FNDC5: variants seen among roughly 807,000 people sequenced by gnomAD.
The protein encoded by FNDC5 is fibronectin type III domain containing 5.
In FNDC5, 10 loss-of-function variants were observed where a neutral mutation model predicts 24.6. The observed-to-expected ratio is 0.41, with a 90% CI of 0.25 to 0.69. The LOEUF (loss-of-function observed/expected upper bound fraction) is 0.69. Among genes scored for constraint, FNDC5 ranks in the 30% least tolerant of loss-of-function variants. FNDC5 has a pLI of 0.34. For missense variants in FNDC5, 226 were observed against 282.9 expected (o/e 0.80, Z 1.44); for synonymous variants, 90 against 110.7 (o/e 0.81, Z 1.18).
At chr1:32,866,377 G>C (rs186684830) in intron 4 of FNDC5, among the ~76,000 whole-genome samples, 2 of 152,082 alleles carry the variant, frequency 1.3e-5, no homozygotes, top group Admixed American at 1.3e-4. Context: ...TAAAGCTTTA[G>C]CATGGTATTC....
intron 4 of FNDC5, among the ~76,000 whole-genome samples, chr1:32,865,314 G>A (rs1641050200): frequency 6.6e-6 from 1 of 151,076 alleles, no homozygotes; most frequent in African/African-American, 2.4e-5. Flanking sequence ...GGTCAGGCTG[G>A]TCTCGAACTC....
At chr1:32,865,086 C>T (rs181204887) in intron 4 of FNDC5, among the ~76,000 whole-genome samples, 2 of 152,106 alleles carry the variant, frequency 1.3e-5, no homozygotes, top group African/African-American at 4.8e-5. Flanking sequence ...CTGTTAATTC[C>T]AGCACTTTGG....
rs1469251888 is a variant in FNDC5, at chr1:32,870,863, G to A, written c.-117C>T. 6 of 165,366 alleles carry A rather than the reference G, an allele frequency of 3.6e-5. No homozygotes were observed. Among genetic ancestry groups the A allele is most frequent in the Non-Finnish European group, 7.1e-5 (6 of 84,852 alleles). 10.2% of individuals were successfully genotyped at this position (165,366 alleles called of 1,614,324 possible). A position where few individuals can be genotyped will look rare whatever the true frequency, so the allele number is the denominator to read the frequency against. ...CCCGGCCGGCCCGGCCGCTCCGGCC[G>A]CCCTGCGCCGCCCCGAGCCGCCTGC... On this transcript the variant is annotated 5_prime_UTR_variant, in exon 1 of 6. Coordinates refer to ENST00000373471, the MANE Select transcript of FNDC5 (RefSeq NM_153756.3).
intron 1 of FNDC5, among the ~76,000 whole-genome samples, chr1:32,870,140 T>C (rs1206077985): frequency 1.3e-5 from 2 of 151,910 alleles, no homozygotes; most frequent in Non-Finnish European, 2.9e-5. Context: ...GCCGGCCCCA[T>C]GGGGCAGGCC....
chr1:32,866,628 C>T (rs992636536), intron 4 of FNDC5, among the ~76,000 whole-genome samples: 1 of 152,080 alleles, frequency 6.6e-6, no homozygotes, highest in African/African-American at 2.4e-5. Context: ...ACAGTTATTC[C>T]CTCTCCTCTG....
At chr1:32,865,176 T>C (rs1039097875) in intron 4 of FNDC5, among the ~76,000 whole-genome samples, 12 of 151,994 alleles carry the variant, frequency 7.9e-5, no homozygotes, top group Non-Finnish European at 1.8e-4. Flanking sequence ...CTCGGTTCAC[T>C]GCAACCTCTG....
chr1:32,867,989 G>T, intron 3 of FNDC5, 147 bp from the exon 4 acceptor site: 1 of 1,008,860 alleles, frequency 9.9e-7, no homozygotes, highest in Non-Finnish European at 1.5e-6. Context: ...ACTTGGGGTG[G>T]CAGTGATAGG....
rs1405921994 is a variant in FNDC5, at chr1:32,868,084, C to A, written c.409+106G>T. 3.7e-6 allele frequency: 5 copies of A among 1,342,234 alleles called. No individual in the cohort carries two copies. The highest frequency in any genetic ancestry group is 4.2e-6 in the Non-Finnish European group (4 of 961,144). 83.1% of individuals were successfully genotyped at this position (1,342,234 alleles called of 1,614,324 possible). A position where few individuals can be genotyped will look rare whatever the true frequency, so the allele number is the denominator to read the frequency against. ...TCTCAGGTACTGCTTTACTTGCCAG[C>A]AGGGGATAAGGGGGAGGAGACAGAG... On this transcript the variant is annotated intron_variant, in intron 3 of 5. Transcript: ENST00000373471. This position sits in a 1 kb window ranked among gnomAD's most constrained non-coding sequence, Gnocchi z 4.8.
chr1:32,868,348 T>G lies in FNDC5; in HGVS notation c.251A>C (p.Asn84Thr), dbSNP rs758944873. ...GAGGGCACATGAGCGGGTGGTGGTG[T>G]TCACCTCCTGGATGAAGCGCAGCAT... Residue 84 changes from asparagine to threonine, a missense_variant, in exon 3 of 6, where the codon AAC becomes ACC. Physicochemically the swap from Asn to Thr is moderately conservative, Grantham distance 65 (BLOSUM62 0). Coordinates refer to ENST00000373471, the MANE Select transcript of FNDC5 (RefSeq NM_153756.3). This position sits in a 1 kb window ranked among gnomAD's most constrained non-coding sequence, Gnocchi z 4.8. The G allele has an allele frequency of 3.1e-6, 5 of 1,614,022 alleles. No individual in the cohort carries two copies. Among genetic ancestry groups the G allele is most frequent in the African/African-American group, 2.7e-5 (2 of 74,902 alleles).
Position 32,864,061 on chromosome 1 carries a change from G to A in FNDC5, c.*233C>T, listed in dbSNP as rs1277435432. The A allele has an allele frequency of 6.9e-7, 1 of 1,447,190 alleles. No homozygotes were observed. Among genetic ancestry groups the A allele is most frequent in the Non-Finnish European group, 9.1e-7 (1 of 1,099,070 alleles). 89.6% of individuals were successfully genotyped at this position (1,447,190 alleles called of 1,614,324 possible). On this transcript the variant is annotated 3_prime_UTR_variant, in exon 6 of 6. Transcript: ENST00000373471. The stretch of plus-strand genomic sequence containing the variant: ...ACCCCCAGCAGTCATCCCTCTGAGT[G>A]CAGCCTCAGCCACTGACATTGTTGA...
At position 32,870,701 on chromosome 1, in the gene FNDC5, CGGCGCG is replaced by C; in HGVS notation, c.40_45del (p.Arg14_Ala15del). On this transcript the variant is annotated inframe_deletion, in exon 1 of 6. Coordinates refer to ENST00000373471, the MANE Select transcript of FNDC5 (RefSeq NM_153756.3). ...ACGCAGCCCAGCCACAGGCGGAGCG[CGGCGCG>C]GGCGCGGGGCGGCCAGGCGCTCGGC... 2 of 1,196,966 alleles carry C rather than the reference CGGCGCG, an allele frequency of 1.7e-6. No individual in the cohort carries two copies. The highest frequency in any genetic ancestry group is 2.1e-6 in the Non-Finnish European group (2 of 965,756). The allele number at this position is 1,196,966 out of a possible 1,614,324, so 74.1% of individuals were successfully genotyped here.
chr1:32,868,896 C>T lies in FNDC5; in HGVS notation c.196G>A (p.Ala66Thr). The change falls in exon 2 of 6, where the codon GCC becomes ACC. Residue 66 changes from alanine (A) to threonine (T), a missense_variant. Coordinates refer to ENST00000373471, the MANE Select transcript of FNDC5 (RefSeq NM_153756.3). This position sits in a 1 kb window ranked among gnomAD's most constrained non-coding sequence, Gnocchi z 4.8. ...TGGAGCATTACCTGCTGGGAGATGG[C>T]AAATCCGATGACAACCTCATCCTCC... 1 of 1,237,718 alleles carries T rather than the reference C, an allele frequency of 8.1e-7. No individual in the cohort carries two copies. The highest frequency in any genetic ancestry group is 4.0e-5 in the Admixed American group (1 of 25,002). The allele number at this position is 1,237,718 out of a possible 1,614,324, so 76.7% of individuals were successfully genotyped here. A position where few individuals can be genotyped will look rare whatever the true frequency, so the allele number is the denominator to read the frequency against.
At position 32,868,773 on chromosome 1, in the gene FNDC5, G is replaced by C; in HGVS notation, c.210+109C>G. 1.2e-6 allele frequency: 1 copy of C among 801,508 alleles called. No homozygotes were observed. The highest frequency in any genetic ancestry group is 1.7e-6 in the Non-Finnish European group (1 of 580,826). 49.6% of individuals were successfully genotyped at this position (801,508 alleles called of 1,614,324 possible). On this transcript the variant is annotated intron_variant, in intron 2 of 5. Coordinates refer to ENST00000373471, the MANE Select transcript of FNDC5 (RefSeq NM_153756.3). The surrounding 1 kb of genome is among the most constrained non-coding windows in gnomAD (Gnocchi z 4.8). ...TTGCTGTTCATCTCCCTTGCCCCAA[G>C]TTCCTATTTCCTTTCTATTTCTCCA...
Position 32,870,748 on chromosome 1 carries a change from G to A in FNDC5, c.-2C>T. 8.8e-7 allele frequency: 1 copy of A among 1,138,718 alleles called. No homozygotes were observed. 70.5% of individuals were successfully genotyped at this position (1,138,718 alleles called of 1,614,324 possible). A position where few individuals can be genotyped will look rare whatever the true frequency, so the allele number is the denominator to read the frequency against. ...GGCGCTCGGCGACCCGGGGTGTATG[G>A]TGGCTCCTCCGGCCGGCAGGCCCGG... On this transcript the variant is annotated 5_prime_UTR_variant, in exon 1 of 6. Coordinates refer to ENST00000373471, the MANE Select transcript of FNDC5 (RefSeq NM_153756.3).
Position 32,863,642 on chromosome 1 carries a change from T to G in FNDC5, c.*652A>C. The G allele has an allele frequency of 8.5e-7, 1 of 1,182,938 alleles. No individual in the cohort carries two copies. Among genetic ancestry groups the G allele is most frequent in the Non-Finnish European group, 1.1e-6 (1 of 878,980 alleles). 73.3% of individuals were successfully genotyped at this position (1,182,938 alleles called of 1,614,324 possible). A position where few individuals can be genotyped will look rare whatever the true frequency, so the allele number is the denominator to read the frequency against. On this transcript the variant is annotated 3_prime_UTR_variant, in exon 6 of 6. Coordinates refer to ENST00000373471, the MANE Select transcript of FNDC5 (RefSeq NM_153756.3). Reference sequence around the variant, plus strand: ...AGAGAACTGTGCAGCTAGCTGTGCCTCCTCCCCACTGCTGCAGTTGTCCCT... The same window carrying G: ...AGAGAACTGTGCAGCTAGCTGTGCCGCCTCCCCACTGCTGCAGTTGTCCCT...
chr1:32,870,911 C>T lies in FNDC5; in HGVS notation c.-165G>A, dbSNP rs1480784604. The T allele has an allele frequency of 6.8e-6, 1 of 147,754 alleles. No homozygotes were observed. The highest frequency in any genetic ancestry group is 6.8e-5 in the Admixed American group (1 of 14,798). 9.2% of individuals were successfully genotyped at this position (147,754 alleles called of 1,614,324 possible). A position where few individuals can be genotyped will look rare whatever the true frequency, so the allele number is the denominator to read the frequency against. ...TGCATGTCGGCTCCGCGGACAGCGA[C>T]TCCCGCGCGGCGGCGGTGGCGGCGG... On this transcript the variant is annotated 5_prime_UTR_variant, in exon 1 of 6. Coordinates refer to ENST00000373471, the MANE Select transcript of FNDC5 (RefSeq NM_153756.3).
chr1:32,869,132 G>A, intron 1 of FNDC5, 135 bp from the exon 2 acceptor site: 1 of 413,892 alleles, frequency 2.4e-6, no homozygotes, highest in Non-Finnish European at 4.1e-6. Flanking sequence ...CTCAAGTGGG[G>A]TCCAGTGACA....
At chr1:32,866,182 TG>T (rs1253457654) in intron 4 of FNDC5, among the ~76,000 whole-genome samples, 4 of 152,204 alleles carry the variant, frequency 2.6e-5, no homozygotes, top group Non-Finnish European at 5.9e-5. Context: ...ATGTTTATAT[TG>T]TTATGATTAT....
Position 32,870,810 on chromosome 1 carries a change from C to CCGCTTG in FNDC5, c.-65_-64insCAAGCG, listed in dbSNP as rs1337715283. ...GGGACGCGGCTCCGGCGCCCGGCGG[C>CCGCTTG]CGCTCGCGCTCGCGCTCCGGCCCCC... On this transcript the variant is annotated 5_prime_UTR_variant, in exon 1 of 6. Coordinates refer to ENST00000373471, the MANE Select transcript of FNDC5 (RefSeq NM_153756.3). 1.4e-6 allele frequency: 1 copy of CCGCTTG among 699,558 alleles called. No homozygotes were observed. The highest frequency in any genetic ancestry group is 2.0e-5 in the African/African-American group (1 of 49,908). 43.3% of individuals were successfully genotyped at this position (699,558 alleles called of 1,614,324 possible).
Sources: allele counts gnomAD v4.1 joint callset (sites outside exome capture counted in the v4.1 genomes callset), GRCh38; gene constraint gnomAD v4.1.1; non-coding constraint Gnocchi (gnomAD v3.1); transcripts MANE v1.5; gene names NCBI Gene and HGNC (gene_info 2026-07-23, HGNC 2026-07-21).